Variants in FARS2 observed in about 807,000 individuals in gnomAD.
FARS2 encodes the protein phenylalanyl-tRNA synthetase 2, mitochondrial.
FARS2 carries 40 observed loss-of-function variants against 46.4 expected under a neutral mutation model. That is an observed-to-expected ratio of 0.86 (90% CI 0.67 to 1.12). The LOEUF is 1.12. FARS2 is among the 50% of genes most tolerant of loss of function. FARS2 has a pLI of 0.00. For missense variants in FARS2, 513 were observed against 567.9 expected (o/e 0.90, Z 0.98); for synonymous variants, 234 against 214.9 (o/e 1.09, Z -0.78).
chr6:5,332,829 C>T (rs1770890089), intron 1 of FARS2, among the ~76,000 whole-genome samples: 1 of 152,078 alleles, frequency 6.6e-6, no homozygotes, highest in Non-Finnish European at 1.5e-5. Context: ...ATGGGAGGGT[C>T]ATTAGAATCA....
chr6:5,634,819 T>G (rs1776465151), intron 6 of FARS2, among the ~76,000 whole-genome samples: 1 of 152,226 alleles, frequency 6.6e-6, no homozygotes, highest in African/African-American at 2.4e-5. Context: ...TGTGTGCCCT[T>G]CGACCCAGCT....
chr6:5,634,303 T>G (rs1776436019), intron 6 of FARS2, among the ~76,000 whole-genome samples: 1 of 152,184 alleles, frequency 6.6e-6, no homozygotes, highest in East Asian at 1.9e-4. Flanking sequence ...TTTGCTCAAT[T>G]TTTTTATTTT....
chr6:5,351,374 G>A (rs947871427), intron 1 of FARS2, among the ~76,000 whole-genome samples: 16 of 152,140 alleles, frequency 1.1e-4, no homozygotes, highest in Admixed American at 6.5e-5. Context: ...ATTTTTCTTT[G>A]TTTATAGATT....
intron 4 of FARS2, chr6:5,457,961 G>T (rs2150290850): frequency 6.6e-6 from 1 of 152,346 alleles, no homozygotes; most frequent in South Asian, 2.1e-4. Flanking sequence ...AGCTGAATGG[G>T]TTTACTTTGG....
intron 6 of FARS2, among the ~76,000 whole-genome samples, chr6:5,722,724 C>T (rs1402032791): frequency 6.6e-6 from 1 of 152,050 alleles, no homozygotes; most frequent in Non-Finnish European, 1.5e-5. Context: ...CTGAGTGCAA[C>T]GAGGATGTCC....
intron 4 of FARS2, among the ~76,000 whole-genome samples, chr6:5,475,204 T>C (rs1157860102): frequency 6.6e-6 from 1 of 152,174 alleles, no homozygotes; most frequent in Non-Finnish European, 1.5e-5. Context: ...AGGTTCCCAA[T>C]TCACTCATAG....
chr6:5,564,072 T>C lies in FARS2; in HGVS notation c.1065+18732T>C, dbSNP rs1057485025. On this transcript the variant is annotated intron_variant, in intron 5 of 6. Coordinates refer to ENST00000274680, the MANE Select transcript of FARS2 (RefSeq NM_006567.5). ...TTTCATGCTTCCTTTTTGTCAACTA[T>C]TATCCCTGCTGTAAGGGTAATAATT... Among the ~76,000 whole-genome samples, 3 of 152,204 alleles carry C rather than the reference T, an allele frequency of 2.0e-5. No individual in the cohort carries two copies. The East Asian group carries it at 5.8e-4, about 29-fold the overall frequency.
At chr6:5,515,204 A>G (rs1365282512) in intron 4 of FARS2, among the ~76,000 whole-genome samples, 1 of 152,178 alleles carries the variant, frequency 6.6e-6, no homozygotes, top group Non-Finnish European at 1.5e-5. Flanking sequence ...TAATTCTGGA[A>G]ATAATGTGAC....
Position 5,765,007 on chromosome 6 carries a change from G to A in FARS2, c.1218-6284G>A, listed in dbSNP as rs1762676846. On this transcript the variant is annotated intron_variant, in intron 6 of 6. Transcript: ENST00000274680. The surrounding 1 kb of genome is among the most constrained non-coding windows in gnomAD (Gnocchi z 4.0). ...TGATCGGGAAAAGAAAATAATCACT[G>A]GGGAGGGACCCCTTTTAAACATTTA... 6.6e-6 allele frequency among the ~76,000 whole-genome samples: 1 copy of A among 152,216 alleles called. No individual in the cohort carries two copies. The highest frequency in any genetic ancestry group is 1.5e-5 in the Non-Finnish European group (1 of 68,044).
intron 2 of FARS2, among the ~76,000 whole-genome samples, chr6:5,385,525 G>T (rs2326629): frequency 0.058 from 8,794 of 151,546 alleles, 743 homozygotes; most frequent in African/African-American, 0.18. Flanking sequence ...AGGTTCAAGC[G>T]ATTCTTCTGC....
chr6:5,636,654 A>C (rs1002913330), intron 6 of FARS2, among the ~76,000 whole-genome samples: 2 of 152,248 alleles, frequency 1.3e-5, no homozygotes, highest in Non-Finnish European at 2.9e-5. Flanking sequence ...GAGAGAGTCC[A>C]GAGGACATTG....
chr6:5,254,164 A>G, the FARS2 span, among the ~76,000 whole-genome samples: 1 of 152,208 alleles, frequency 6.6e-6, no homozygotes, highest in Non-Finnish European at 1.5e-5. Context: ...GTCAACAGAA[A>G]CGGCCCAACT....
At chr6:5,560,327 T>C (rs9405849) in intron 5 of FARS2, among the ~76,000 whole-genome samples, 117,702 of 152,036 alleles carry the variant, frequency 0.77, 45,996 homozygotes, top group Middle Eastern at 0.92. Context: ...GAGATGATCT[T>C]ATGATTTCTG....
chr6:5,375,432 CAT>C (rs1161257873), intron 2 of FARS2, among the ~76,000 whole-genome samples: 1 of 151,700 alleles, frequency 6.6e-6, no homozygotes, highest in Non-Finnish European at 1.5e-5. Flanking sequence ...AGAGATTTAC[CAT>C]ATTTGTAGAT....
At chr6:5,271,588 A>C (rs1255770980) in intron 1 of FARS2, among the ~76,000 whole-genome samples, 1 of 69,966 alleles carries the variant, frequency 1.4e-5, no homozygotes, top group Non-Finnish European at 2.6e-5. Flanking sequence ...TTTGAGGCGG[A>C]GTCTCGCTCT....
intron 4 of FARS2, among the ~76,000 whole-genome samples, chr6:5,450,345 G>A (rs915349407): frequency 6.6e-6 from 1 of 151,970 alleles, no homozygotes; most frequent in East Asian, 1.9e-4. Context: ...GTAAGGGTTG[G>A]TGGTAACAGG....
chr6:5,500,926 A>G (rs1449350909), intron 4 of FARS2, among the ~76,000 whole-genome samples: 1 of 141,694 alleles, frequency 7.1e-6, no homozygotes, highest in African/African-American at 2.8e-5. Flanking sequence ...GTCAAGCTTC[A>G]AATCCCCGAG....
At chr6:5,709,084 G>A (rs191022709) in intron 6 of FARS2, among the ~76,000 whole-genome samples, 11 of 152,304 alleles carry the variant, frequency 7.2e-5, no homozygotes, top group Admixed American at 5.9e-4. Flanking sequence ...GGAGTTCCAC[G>A]GTCATTTATG....
intron 2 of FARS2, among the ~76,000 whole-genome samples, chr6:5,399,128 T>A (rs377144304): frequency 0.098 from 2,133 of 21,804 alleles, 41 homozygotes; most frequent in African/African-American, 0.26. Context: ...TTATATTATT[T>A]TATTATTATT....
Sources: gnomAD v4.1 joint callset for allele counts (sites outside exome capture counted in the v4.1 genomes callset) on GRCh38, gnomAD v4.1.1 for gene constraint, Gnocchi (gnomAD v3.1) non-coding constraint, MANE v1.5 for transcripts, NCBI Gene and HGNC (gene_info 2026-07-23, HGNC 2026-07-21) for gene names.